Variants in DONSON observed in about 807,000 individuals in gnomAD.
DONSON encodes the protein protein downstream neighbor of Son.
A neutral mutation model predicts 62.1 loss-of-function variants in DONSON; 43 were observed. That is an observed-to-expected ratio of 0.69 (90% confidence interval 0.54 to 0.89). The LOEUF (loss-of-function observed/expected upper bound fraction) is 0.89. Ranked by LOEUF, DONSON falls within the 40% of genes least tolerant of loss-of-function variation. The probability of loss-of-function intolerance (pLI) is 0.00; values close to 1 mark genes in which losing one functional copy is unlikely to be tolerated. For missense variants in DONSON, 696 were observed against 697.5 expected (o/e 1.00, Z 0.03); for synonymous variants, 266 against 264.6 (o/e 1.01, Z -0.05).
At position 33,587,552 on chromosome 21, in the gene DONSON, A is replaced by C. The variant is rs1165969086; in HGVS notation, c.372T>G (p.Pro124=). Residue 124 remains proline (P), a synonymous_variant, in exon 2 of 10, where the codon CCT becomes CCG. Transcript: ENST00000303071. The part of the protein sequence containing the change: ...ENDLLWEEKF[P]ERTTVTELPQ... ...GTAATTCAGTAACAGTTGTTCTTTC[A>C]GGAAACTTCTCTTCCCATAGCAAAT... The C allele has an allele frequency of 6.2e-7, 1 of 1,600,032 alleles. No homozygotes were observed. Among genetic ancestry groups the C allele is most frequent in the Non-Finnish European group, 8.5e-7 (1 of 1,175,532 alleles).
intron 2 of DONSON, 45 bp downstream of exon 2, chr21:33,587,477 A>T: frequency 6.6e-7 from 1 of 1,521,830 alleles, no homozygotes; most frequent in East Asian, 2.3e-5. Flanking sequence ...TATGAAAAAA[A>T]AGTTTATACA....
rs768393448 is a variant in DONSON at position 33,578,413 on chromosome 21, CCA to C, written c.1593_1594del (p.Cys531TrpfsTer5). 3.1e-6 allele frequency: 5 copies of C among 1,613,822 alleles called. No individual in the cohort carries two copies. Among genetic ancestry groups the C allele is most frequent in the Non-Finnish European group, 4.2e-6 (5 of 1,179,852 alleles). On this transcript the variant is annotated frameshift_variant, in exon 10 of 10. Coordinates refer to ENST00000303071, the MANE Select transcript of DONSON (RefSeq NM_017613.4). LOFTEE classifies it high-confidence loss of function. ...TTGCTCCAGAGTGTTAGGGTGCAAA[CCA>C]CAGTTAGTAAGCTCCTTATGAACAA...
chr21:33,587,432 A>G, intron 2 of DONSON, 90 bp downstream of exon 2: 1 of 1,436,578 alleles, frequency 7.0e-7, no homozygotes, highest in Non-Finnish European at 9.1e-7. Flanking sequence ...GCTTCTGAGA[A>G]GTATAAATGT....
intron 8 of DONSON, 138 bp from the exon 9 acceptor site, chr21:33,579,700 C>G (rs1471504279): frequency 6.0e-6 from 4 of 668,366 alleles, no homozygotes; most frequent in Non-Finnish European, 7.5e-6. Context: ...CCCAAGACAT[C>G]TAAACAATGT....
chr21:33,588,028 T>C (rs2086598899), intron 1 of DONSON, among the ~76,000 whole-genome samples: 1 of 152,158 alleles, frequency 6.6e-6, no homozygotes, highest in Non-Finnish European at 1.5e-5. Flanking sequence ...CCAAGTCACC[T>C]CTAAGTCCTC....
rs751836395 is a variant in DONSON at position 33,579,461 on chromosome 21, C to T, written c.1452G>A (p.Leu484=). The change falls in exon 9 of 10, where the codon CTG becomes CTA. Residue 484 remains leucine, a synonymous_variant. Coordinates refer to ENST00000303071, the MANE Select transcript of DONSON (RefSeq NM_017613.4). The part of the protein sequence containing the change: ...GPIMPHSLHS[L]TMLLKSSQSG... ...TCTGTGAAGATTTGAGCAGCATGGTCAGTGAATGCAGAGAATGAGGCATGA... is the reference window on the plus strand; with the variant it reads ...TCTGTGAAGATTTGAGCAGCATGGTTAGTGAATGCAGAGAATGAGGCATGA... 4 of 1,614,150 alleles carry T rather than the reference C, an allele frequency of 2.5e-6. No individual in the cohort carries two copies. The Admixed American group carries it at 6.7e-5, about 27-fold the overall frequency.
intron 2 of DONSON, 68 bp downstream of exon 2, chr21:33,587,454 T>C (rs985041071): frequency 4.7e-6 from 7 of 1,485,820 alleles, no homozygotes; most frequent in South Asian, 1.4e-5. Flanking sequence ...TTTTTAAAAA[T>C]AGGCTCAAAT....
At chr21:33,581,130 ATTTC>A in intron 8 of DONSON, 168 bp downstream of exon 8, 1 of 568,272 alleles carries the variant, frequency 1.8e-6, no homozygotes, top group Non-Finnish European at 3.1e-6. Flanking sequence ...TTTCCACATA[ATTTC>A]TTTGATATAA....
In DONSON at chr21:33,583,481, C is replaced by G; in HGVS notation, c.964+7G>C. On this transcript the variant is annotated splice_region_variant and intron_variant, in intron 5 of 9. Coordinates refer to ENST00000303071, the MANE Select transcript of DONSON (RefSeq NM_017613.4). ...ATAGTATTCTCACTTTAAACCTAAACTTTTACCTTCATTTCTCATAGCTTC... is the reference window on the plus strand; with the variant it reads ...ATAGTATTCTCACTTTAAACCTAAAGTTTTACCTTCATTTCTCATAGCTTC... The G allele has an allele frequency of 6.2e-7, 1 of 1,612,816 alleles. No individual in the cohort carries two copies. Among genetic ancestry groups the G allele is most frequent in the East Asian group, 2.2e-5 (1 of 44,834 alleles).
chr21:33,578,061 G>A lies in DONSON; in HGVS notation c.*246C>T. The A allele has an allele frequency of 6.2e-6, 2 of 322,614 alleles. No homozygotes were observed. Among genetic ancestry groups the A allele is most frequent in the Non-Finnish European group, 1.1e-5 (2 of 179,158 alleles). The allele number at this position is 322,614 out of a possible 1,614,324, so 20.0% of individuals were successfully genotyped here. On this transcript the variant is annotated 3_prime_UTR_variant, in exon 10 of 10. Coordinates refer to ENST00000303071, the MANE Select transcript of DONSON (RefSeq NM_017613.4). Reference sequence around the variant, plus strand: ...ATTTGCAAGGAAGCATATTAATTCAGTTTCTGCTCAATATACAATTAGGTT... The same window carrying A: ...ATTTGCAAGGAAGCATATTAATTCAATTTCTGCTCAATATACAATTAGGTT...
In DONSON at chr21:33,579,732, TA is replaced by T. The variant is rs2086484252; in HGVS notation, c.1351-171del. ...ATGTTATGTGAGTACAAATACTTAG[TA>T]AATTTTCAGCAACCTTTCCATATTA... On this transcript the variant is annotated intron_variant, in intron 8 of 9. Transcript: ENST00000303071. 4 of 537,204 alleles carry T rather than the reference TA, an allele frequency of 7.4e-6. No individual in the cohort carries two copies. In the African/African-American group the frequency reaches 7.5e-5, roughly 10 times the overall value. The allele number at this position is 537,204 out of a possible 1,614,324, so 33.3% of individuals were successfully genotyped here.
chr21:33,577,604 TAC>T lies in DONSON; in HGVS notation c.*701_*702del, dbSNP rs71194853. ...AAATGTGAATTATACAGTCCCCCCCTACACACACACACACACACACACACACA... is the reference window on the plus strand; with the variant it reads ...AAATGTGAATTATACAGTCCCCCCCTACACACACACACACACACACACACA... On this transcript the variant is annotated 3_prime_UTR_variant, in exon 10 of 10. Transcript: ENST00000303071. The T allele has an allele frequency of 1.6e-3, 137 of 84,430 alleles. 16 individuals carry two copies. Among genetic ancestry groups the T allele is most frequent in the East Asian group, 3.5e-3 (8 of 2,256 alleles). The allele number at this position is 84,430 out of a possible 1,614,324, so 5.2% of individuals were successfully genotyped here.
chr21:33,581,873 T>C (rs1301865606), intron 7 of DONSON, 78 bp downstream of exon 7: 5 of 1,275,850 alleles, frequency 3.9e-6, no homozygotes, highest in African/African-American at 1.5e-5. Context: ...TATAATCATA[T>C]AAAACTGCCA....
At chr21:33,585,682 TA>T (rs575192778) in intron 3 of DONSON, among the ~76,000 whole-genome samples, 91 of 149,550 alleles carry the variant, frequency 6.1e-4, no homozygotes, top group African/African-American at 2.2e-3. Flanking sequence ...TCTTTCTTTG[TA>T]TTTTCTTTCT....
chr21:33,588,323 G>A lies in DONSON; in HGVS notation c.319C>T (p.Pro107Ser). Reference protein sequence around the residue: ...PAREQPEAPVPFLDSNQENDL... With the variant: ...PAREQPEAPVSFLDSNQENDL... ...CGGCCAGGCTACAAGACACTCACCG[G>A]GACCGGGGCCTCCGGCTGCTCGCGG... The change falls in exon 1 of 10, where the codon CCG (proline) becomes TCG (serine). Residue 107 changes from proline to serine, a missense_variant and splice_region_variant. Coordinates refer to ENST00000303071, the MANE Select transcript of DONSON (RefSeq NM_017613.4). The A allele has an allele frequency of 1.6e-6, 2 of 1,287,736 alleles. No homozygotes were observed. Among genetic ancestry groups the A allele is most frequent in the Non-Finnish European group, 2.0e-6 (2 of 1,021,804 alleles). The allele number at this position is 1,287,736 out of a possible 1,614,324, so 79.8% of individuals were successfully genotyped here.
chr21:33,588,336 C>T lies in DONSON; in HGVS notation c.306G>A (p.Pro102=). ...EPPDGPAREQ[P]EAPVPFLDSN... ...AGACACTCACCGGGACCGGGGCCTC[C>T]GGCTGCTCGCGGGCCGGCCCGTCGG... Residue 102 remains proline (P), a synonymous_variant, in exon 1 of 10, where the codon CCG becomes CCA. Coordinates refer to ENST00000303071, the MANE Select transcript of DONSON (RefSeq NM_017613.4). The T allele has an allele frequency of 7.7e-7, 1 of 1,292,940 alleles. No individual in the cohort carries two copies. Among genetic ancestry groups the T allele is most frequent in the Admixed American group, 3.7e-5 (1 of 27,196 alleles). The allele number at this position is 1,292,940 out of a possible 1,614,324, so 80.1% of individuals were successfully genotyped here.
Position 33,578,322 on chromosome 21 carries a change from A to G in DONSON, c.1686T>C (p.Tyr562=), listed in dbSNP as rs1374797816. Residue 562 remains tyrosine, a synonymous_variant, in exon 10 of 10, where the codon TAT becomes TAC. Coordinates refer to ENST00000303071, the MANE Select transcript of DONSON (RefSeq NM_017613.4). ...LRNVVLRDYI[Y]NWRS is the part of the protein sequence containing the mutation. Reference sequence around the variant, plus strand: ...ACTTTGGTGTTCAGGATCTCCAATTATAAATGTAGTCTCTCAGCACCACAT... The same window carrying G: ...ACTTTGGTGTTCAGGATCTCCAATTGTAAATGTAGTCTCTCAGCACCACAT... 3 of 1,613,516 alleles carry G rather than the reference A, an allele frequency of 1.9e-6. No homozygotes were observed. Among genetic ancestry groups the G allele is most frequent in the Middle Eastern group, 1.6e-4 (1 of 6,070 alleles).
At chr21:33,582,654 T>G (rs1338542901) in intron 5 of DONSON, among the ~76,000 whole-genome samples, 3 of 152,174 alleles carry the variant, frequency 2.0e-5, no homozygotes, top group Admixed American at 2.0e-4. Context: ...GTGTTTTATT[T>G]TAGAGATCAG....
chr21:33,588,595 G>A lies in DONSON; in HGVS notation c.47C>T (p.Pro16Leu). Reference protein sequence around the residue: ...PGYSPGFRKPPEVVRLRRKRA... With the variant: ...PGYSPGFRKPLEVVRLRRKRA... ...TTTCCGTCGGAGCCGCACTACCTCG[G>A]GCGGCTTTCGGAAGCCCGGTGAGTA... is the stretch of plus-strand genomic sequence containing the variant. The change falls in exon 1 of 10, where the codon CCC becomes CTC. Residue 16 changes from proline to leucine, a missense_variant. Coordinates refer to ENST00000303071, the MANE Select transcript of DONSON (RefSeq NM_017613.4). 1 of 1,251,280 alleles carries A rather than the reference G, an allele frequency of 8.0e-7. No individual in the cohort carries two copies. The highest frequency in any genetic ancestry group is 3.1e-5 in the South Asian group (1 of 32,694). 77.5% of individuals were successfully genotyped at this position (1,251,280 alleles called of 1,614,324 possible).
Sources: gnomAD v4.1 joint callset for allele counts (sites outside exome capture counted in the v4.1 genomes callset) on GRCh38, gnomAD v4.1.1 for gene constraint, MANE v1.5 for transcripts, NCBI Gene and HGNC (gene_info 2026-07-23, HGNC 2026-07-21) for gene names.